The following CHLSN variants were observed in gnomAD, a reference collection of about 807,000 sequenced individuals.
CHLSN encodes protein cholesin.
the CHLSN span, chr7:1,000,423 ACAGACCTCAGCCCCCAGGAGACGT>A: frequency 8.6e-7 from 1 of 1,164,486 alleles, no homozygotes; most frequent in Non-Finnish European, 1.2e-6. Context: ...CCCGCCGTGC[ACAGACCTCAGCCCCCAGGAGACGT>A]GCCTGCCCCG....
the CHLSN span, among the ~76,000 whole-genome samples, chr7:1,114,388 C>T: frequency 1.3e-5 from 2 of 152,246 alleles, no homozygotes; most frequent in Non-Finnish European, 2.9e-5. Flanking sequence ...AAATGCGCCC[C>T]TGTCACCAGC....
the CHLSN span, among the ~76,000 whole-genome samples, chr7:1,078,544 A>G: frequency 6.6e-6 from 1 of 152,062 alleles, no homozygotes; most frequent in South Asian, 2.1e-4. Flanking sequence ...CCTGCACCCC[A>G]CACTCCCGTG....
At chr7:996,464 C>A in the CHLSN span, among the ~76,000 whole-genome samples, 4 of 152,210 alleles carry the variant, frequency 2.6e-5, no homozygotes, top group Non-Finnish European at 5.9e-5. Context: ...AGCACTGAGA[C>A]GGCAGCACAA....
chr7:1,016,686 CAG>C, the CHLSN span, among the ~76,000 whole-genome samples: 2 of 135,684 alleles, frequency 1.5e-5, no homozygotes, highest in African/African-American at 3.0e-5. Context: ...CGCCAGGGCA[CAG>C]CAGCGCATGC....
chr7:1,071,149 G>A, the CHLSN span, among the ~76,000 whole-genome samples: 25 of 152,380 alleles, frequency 1.6e-4, no homozygotes, highest in Non-Finnish European at 3.1e-4. Context: ...GGCCCCGCAC[G>A]CGGCTGTTCA....
the CHLSN span, among the ~76,000 whole-genome samples, chr7:1,001,001 G>A: frequency 6.6e-6 from 1 of 152,202 alleles, no homozygotes; most frequent in Non-Finnish European, 1.5e-5. Context: ...CAGTGGGCCT[G>A]GGGACGAGCA....
chr7:1,015,038 G>T, the CHLSN span, among the ~76,000 whole-genome samples: 2 of 152,242 alleles, frequency 1.3e-5, no homozygotes, highest in African/African-American at 4.8e-5. Flanking sequence ...GCCGGGCAGG[G>T]CCTGACACGG....
chr7:1,022,697 C>G, the CHLSN span, among the ~76,000 whole-genome samples: 50 of 152,286 alleles, frequency 3.3e-4, no homozygotes, highest in African/African-American at 1.2e-3. Flanking sequence ...GATTAATTTA[C>G]TCTTATTCTG....
chr7:1,017,315 C>T, the CHLSN span, among the ~76,000 whole-genome samples: 7 of 152,114 alleles, frequency 4.6e-5, no homozygotes, highest in Non-Finnish European at 8.8e-5. Flanking sequence ...CCCAGCCTGC[C>T]GTGCCCTGCT....
At chr7:1,098,309 C>G in the CHLSN span, among the ~76,000 whole-genome samples, 1 of 152,254 alleles carries the variant, frequency 6.6e-6, no homozygotes, top group South Asian at 2.1e-4. Flanking sequence ...TGCATCCAAG[C>G]AAGCATTTGT....
chr7:983,290 C>T, the CHLSN span: 2 of 1,543,526 alleles, frequency 1.3e-6, no homozygotes, highest in Admixed American at 2.0e-5. Flanking sequence ...AGACCCCTCC[C>T]CAGCTGCCCG....
At chr7:1,073,442 C>G in the CHLSN span, among the ~76,000 whole-genome samples, 2 of 152,132 alleles carry the variant, frequency 1.3e-5, no homozygotes, top group Non-Finnish European at 2.9e-5. Flanking sequence ...CTTCCCACCC[C>G]CTAATCCCGC....
the CHLSN span, among the ~76,000 whole-genome samples, chr7:1,030,723 C>T: frequency 2.2e-5 from 3 of 136,484 alleles, no homozygotes; most frequent in East Asian, 4.0e-4. Flanking sequence ...CTCTCTCTCC[C>T]GGGGCAGGGG....
chr7:978,150 A>C, the CHLSN span, among the ~76,000 whole-genome samples: 1 of 152,124 alleles, frequency 6.6e-6, no homozygotes, highest in African/African-American at 2.4e-5. Flanking sequence ...CTGGCAAATG[A>C]TTATTGCTTT....
At chr7:1,016,558 G>A in the CHLSN span, among the ~76,000 whole-genome samples, 1 of 138,768 alleles carries the variant, frequency 7.2e-6, no homozygotes, top group East Asian at 2.1e-4. Context: ...CCAGCGCACA[G>A]CAGCGCACAC....
the CHLSN span, among the ~76,000 whole-genome samples, chr7:1,031,989 T>C: frequency 2.0e-5 from 3 of 152,088 alleles, no homozygotes; most frequent in African/African-American, 7.2e-5. Context: ...CCCCAGGTAA[T>C]GAGAATTCGC....
At chr7:1,028,804 A>T in the CHLSN span, 56 of 724,492 alleles carry the variant, frequency 7.7e-5, no homozygotes, top group Non-Finnish European at 8.9e-5. Flanking sequence ...CGCTCCCCCA[A>T]TCTGACTCCA....
chr7:1,114,972 G>A, the CHLSN span, among the ~76,000 whole-genome samples: 1 of 152,216 alleles, frequency 6.6e-6, no homozygotes, highest in African/African-American at 2.4e-5. Context: ...CAAACTCCCT[G>A]TGTTAAACCC....
the CHLSN span, among the ~76,000 whole-genome samples, chr7:1,072,720 C>G: frequency 7.2e-6 from 1 of 138,276 alleles, no homozygotes; most frequent in Admixed American, 7.5e-5. Flanking sequence ...CTCGCTCCAT[C>G]GTGCCCAGGC....
Sources: allele counts gnomAD v4.1 joint callset (sites outside exome capture counted in the v4.1 genomes callset), GRCh38; gene constraint gnomAD v4.1.1; transcripts MANE v1.5; gene names NCBI Gene and HGNC (gene_info 2026-07-23, HGNC 2026-07-21).